CECR2: variants seen among roughly 807,000 people sequenced by gnomAD.
The protein encoded by CECR2 is chromatin remodeling regulator CECR2.
Under a neutral mutation model 154.5 loss-of-function variants are expected in CECR2, and 30 were observed. That is an observed-to-expected ratio of 0.19 (90% CI 0.15 to 0.26). CECR2 has a LOEUF of 0.26. CECR2 is among the 10% of genes least tolerant of loss of function. The pLI is 1.00. For missense variants in CECR2, 1,743 were observed against 1,829.3 expected, an observed-to-expected ratio of 0.95 and a Z score of 0.86; for synonymous variants, 725 against 683.7, an observed-to-expected ratio of 1.06 and a Z score of -0.94.
intron 6 of CECR2, among the ~76,000 whole-genome samples, chr22:17,504,032 G>A (rs1160254203): frequency 9.1e-6 from 1 of 110,060 alleles, no homozygotes; most frequent in Non-Finnish European, 2.0e-5. Flanking sequence ...GGACAACAGA[G>A]CAGGACTCTG....
chr22:17,508,693 A>T (rs2146913682), intron 7 of CECR2, among the ~76,000 whole-genome samples: 1 of 152,230 alleles, frequency 6.6e-6, no homozygotes, highest in East Asian at 1.9e-4. Flanking sequence ...CCCATAGCCT[A>T]GCTGTGTAGT....
intron 1 of CECR2, among the ~76,000 whole-genome samples, chr22:17,377,674 C>T (rs1227080322): frequency 6.6e-6 from 1 of 152,192 alleles, no homozygotes; most frequent in African/African-American, 2.4e-5. Flanking sequence ...CTATTATAAC[C>T]TTTTCAGATG....
Position 17,542,354 on chromosome 22 carries a change from G to A in CECR2, c.2211G>A (p.Arg737=), listed in dbSNP as rs1231895409. The change falls in exon 16 of 19, where the codon CGG becomes CGA. Residue 737 remains arginine, a synonymous_variant. Coordinates refer to ENST00000262608, the MANE Select transcript of CECR2 (RefSeq NM_001290047.2). ...AQFQPGFIPP[R]HGGAPARPPD... ...TCCAGCCAGGATTCATTCCTCCCCG[G>A]CATGGGGGGGCTCCAGCCCGGCCAC... 1 of 1,613,740 alleles carries A rather than the reference G, an allele frequency of 6.2e-7. No homozygotes were observed. Among genetic ancestry groups the A allele is most frequent in the East Asian group, 2.2e-5 (1 of 44,880 alleles).
At chr22:17,540,913 C>CT in intron 14 of CECR2, 113 bp downstream of exon 14, 1 of 1,172,894 alleles carries the variant, frequency 8.5e-7, no homozygotes, top group African/African-American at 1.6e-5. Context: ...TGTATGGAAT[C>CT]TTTTTCCCTG....
At chr22:17,445,691 C>T (rs936445722) in intron 1 of CECR2, among the ~76,000 whole-genome samples, 8 of 151,794 alleles carry the variant, frequency 5.3e-5, no homozygotes, top group African/African-American at 1.7e-4. Flanking sequence ...CTCCCAGGTT[C>T]GGGCAGTTCT....
chr22:17,397,366 A>C (rs1426126112), intron 1 of CECR2, among the ~76,000 whole-genome samples: 1 of 152,046 alleles, frequency 6.6e-6, no homozygotes, highest in Non-Finnish European at 1.5e-5. Flanking sequence ...TCCTGACCTT[A>C]GGTGATCCAC....
At chr22:17,451,227 CACTTCAATT>C (rs2146699802) in intron 1 of CECR2, among the ~76,000 whole-genome samples, 2 of 152,310 alleles carry the variant, frequency 1.3e-5, no homozygotes, top group South Asian at 4.1e-4. Context: ...CTTGAATCTT[CACTTCAATT>C]GGCAGCCATT....
intron 1 of CECR2, among the ~76,000 whole-genome samples, chr22:17,382,815 G>A (rs1231290334): frequency 2.0e-5 from 3 of 152,138 alleles, no homozygotes; most frequent in Admixed American, 6.5e-5. Context: ...TGAGATGGGA[G>A]GATCGCTTGA....
intron 16 of CECR2, among the ~76,000 whole-genome samples, chr22:17,544,256 T>C (rs2056575377): frequency 2.0e-5 from 3 of 152,036 alleles, no homozygotes; most frequent in Admixed American, 2.0e-4. Context: ...CCCAGCACTT[T>C]GGGAGGCCAA....
intron 1 of CECR2, among the ~76,000 whole-genome samples, chr22:17,412,041 C>A (rs548898203): frequency 1.4e-4 from 22 of 152,258 alleles, no homozygotes; most frequent in African/African-American, 5.1e-4. Context: ...ATGACTCTTT[C>A]CTTAGGATGT....
intron 1 of CECR2, among the ~76,000 whole-genome samples, chr22:17,422,221 G>A (rs942718637): frequency 6.6e-6 from 1 of 152,136 alleles, no homozygotes. Context: ...GTTTTGAGAC[G>A]GAGTCTCACT....
chr22:17,545,269 G>T (rs1224352722), intron 16 of CECR2, among the ~76,000 whole-genome samples: 1 of 151,292 alleles, frequency 6.6e-6, no homozygotes, highest in East Asian at 1.9e-4. Context: ...CAGCTACTTG[G>T]GAGGCTGGGT....
chr22:17,501,217 T>A (rs1018954036), intron 5 of CECR2, among the ~76,000 whole-genome samples: 9 of 152,190 alleles, frequency 5.9e-5, no homozygotes, highest in Non-Finnish European at 8.8e-5. Flanking sequence ...AAAATTCTGA[T>A]AACTCAGGAC....
chr22:17,499,092 C>T (rs570923993), intron 3 of CECR2, among the ~76,000 whole-genome samples: 41 of 152,156 alleles, frequency 2.7e-4, no homozygotes, highest in African/African-American at 8.9e-4. Context: ...CAGGTTCAAG[C>T]GATTCTCCTG....
chr22:17,482,447 A>C (rs1161974347), intron 2 of CECR2, among the ~76,000 whole-genome samples: 1 of 152,196 alleles, frequency 6.6e-6, no homozygotes, highest in African/African-American at 2.4e-5. Context: ...TGTACACTAC[A>C]TAATAGTTGA....
intron 1 of CECR2, among the ~76,000 whole-genome samples, chr22:17,466,846 C>A (rs879533160): frequency 6.6e-6 from 1 of 152,206 alleles, no homozygotes; most frequent in Non-Finnish European, 1.5e-5. Flanking sequence ...CCCGCCCCGG[C>A]CTTCCAAAGT....
At chr22:17,465,793 A>G (rs1302023968) in intron 1 of CECR2, among the ~76,000 whole-genome samples, 2 of 151,940 alleles carry the variant, frequency 1.3e-5, no homozygotes, top group African/African-American at 4.8e-5. Flanking sequence ...TAATTTTTGT[A>G]TTCTTAGTAG....
chr22:17,401,837 C>CG (rs1555903022), intron 1 of CECR2, among the ~76,000 whole-genome samples: 53 of 141,814 alleles, frequency 3.7e-4, no homozygotes, highest in African/African-American at 1.4e-3. Flanking sequence ...CACCCCCCCC[C>CG]GCCCCCGCTG....
chr22:17,495,569 A>AG (rs1369028376), intron 2 of CECR2, among the ~76,000 whole-genome samples: 1 of 148,686 alleles, frequency 6.7e-6, no homozygotes, highest in East Asian at 2.0e-4. Context: ...AACTCCATTA[A>AG]AAAAAAAAAA....
Sources: gnomAD v4.1 joint callset for allele counts (sites outside exome capture counted in the v4.1 genomes callset) on GRCh38, gnomAD v4.1.1 for gene constraint, MANE v1.5 for transcripts, NCBI Gene and HGNC (gene_info 2026-07-23, HGNC 2026-07-21) for gene names.